TJP1: variants seen among roughly 807,000 people sequenced by gnomAD.
TJP1 encodes the protein tight junction protein 1.
In TJP1, 43 loss-of-function variants were observed where a neutral mutation model predicts 194.2. The observed-to-expected ratio is 0.22, with a 90% CI of 0.17 to 0.29. The LOEUF (loss-of-function observed/expected upper bound fraction) is 0.29, where lower values mean the gene tolerates loss of function less well. Among genes scored for constraint, TJP1 ranks in the 10% least tolerant of loss-of-function variants. The pLI is 1.00. For synonymous variants in TJP1, 801 were observed against 779.0 expected (o/e 1.03, Z -0.47); for missense variants, 1,971 against 2,185.7 (o/e 0.90, Z 1.96).
chr15:29,818,574 G>C (rs568214084), intron 1 of TJP1, among the ~76,000 whole-genome samples: 7 of 151,850 alleles, frequency 4.6e-5, no homozygotes, highest in Admixed American at 2.0e-4. Context: ...GTGCGATCTT[G>C]GCTCAATGCA....
At position 29,849,866 on chromosome 15, in the gene TJP1, C is replaced by T. The variant is rs150490599; in HGVS notation, c.307-49164G>A. Among the ~76,000 whole-genome samples, 407 of 152,164 alleles carry T rather than the reference C, an allele frequency of 2.7e-3. 3 individuals carry two copies. The highest frequency in any genetic ancestry group is 8.5e-3 in the South Asian group (41 of 4,818). On this transcript the variant is annotated intron_variant, in intron 2 of 28. Coordinates refer to the TJP1 transcript ENST00000356107. ...CTGGGATTGTAGACGCGAACCACCA[C>T]GCCTGGCCATTAGTGACTCACTTCT...
intron 2 of TJP1, among the ~76,000 whole-genome samples, chr15:29,910,758 T>C (rs945183869): frequency 2.0e-5 from 3 of 152,150 alleles, no homozygotes; most frequent in African/African-American, 7.2e-5. Context: ...AGTAATCACC[T>C]CCTCTCCTAA....
chr15:29,755,497 G>A (rs996883872), intron 8 of TJP1, among the ~76,000 whole-genome samples: 1 of 152,102 alleles, frequency 6.6e-6, no homozygotes, highest in African/African-American at 2.4e-5. Flanking sequence ...CAATTTTACT[G>A]TCATGTATTT....
intron 2 of TJP1, among the ~76,000 whole-genome samples, chr15:29,830,167 A>G (rs2050793079): frequency 6.6e-6 from 1 of 151,994 alleles, no homozygotes; most frequent in Non-Finnish European, 1.5e-5. Context: ...TGGCACTGTA[A>G]AAAAATCTTA....
At chr15:29,716,561 G>A (rs779236345) in intron 23 of TJP1, 50 bp downstream of exon 23, 13 of 1,338,422 alleles carry the variant, frequency 9.7e-6, no homozygotes, top group Admixed American at 3.6e-5. Flanking sequence ...TGAACTGCAC[G>A]GGATTAATAT....
intron 1 of TJP1, among the ~76,000 whole-genome samples, chr15:29,801,708 G>A (rs6495923): frequency 0.78 from 118,522 of 151,382 alleles, 47,184 homozygotes; most frequent in East Asian, 0.86. Flanking sequence ...TGATCCGCCC[G>A]CCTCGGCCTC....
intron 2 of TJP1, among the ~76,000 whole-genome samples, chr15:29,921,995 C>G (rs1385825360): frequency 6.6e-6 from 1 of 152,098 alleles, no homozygotes; most frequent in South Asian, 2.1e-4. Context: ...CAGGCATGCA[C>G]CACCCCGCCC....
At chr15:29,707,369 G>A (rs776047001) in intron 25 of TJP1, among the ~76,000 whole-genome samples, 8 of 152,166 alleles carry the variant, frequency 5.3e-5, no homozygotes, top group Non-Finnish European at 1.0e-4. Context: ...TGACCGGAGT[G>A]CCAGGGACGA....
chr15:29,903,337 T>C (rs1482495178), intron 2 of TJP1, among the ~76,000 whole-genome samples: 3 of 152,238 alleles, frequency 2.0e-5, no homozygotes. Context: ...GTAATATTTA[T>C]CTAGAAGGAT....
chr15:29,806,146 T>C (rs1347225188), intron 1 of TJP1, among the ~76,000 whole-genome samples: 1 of 152,142 alleles, frequency 6.6e-6, no homozygotes, highest in African/African-American at 2.4e-5. Context: ...GGAAACCAGT[T>C]AGAAAGTTAG....
chr15:29,821,634 G>A (rs546951332), intron 1 of TJP1: 1 of 152,404 alleles, frequency 6.6e-6, no homozygotes, highest in African/African-American at 2.4e-5. Context: ...GACCCGCTGA[G>A]AGCCGGCTTC....
At position 29,755,824 on chromosome 15, in the gene TJP1, T is replaced by C. The variant is rs550075302; in HGVS notation, c.1010+5315A>G. Among the ~76,000 whole-genome samples the C allele has an allele frequency of 2.0e-5, 3 of 152,240 alleles. No homozygotes were observed. In the South Asian group the frequency reaches 6.2e-4, roughly 32 times the overall value. On this transcript the variant is annotated intron_variant, in intron 8 of 27. Transcript: ENST00000614355. The stretch of plus-strand genomic sequence containing the variant: ...AAATGGGTAGAATGCCAAATGTAAA[T>C]CTTGACAATCCAAATTTCCCACATT...
intron 2 of TJP1, among the ~76,000 whole-genome samples, chr15:29,791,095 C>T (rs2048051361): frequency 2.7e-5 from 4 of 150,920 alleles, no homozygotes; most frequent in East Asian, 1.9e-4. Flanking sequence ...GGCGCGATTT[C>T]GGCTCACTGC....
intron 2 of TJP1, among the ~76,000 whole-genome samples, chr15:29,953,692 A>G (rs575254771): frequency 1.1e-4 from 16 of 152,192 alleles, no homozygotes; most frequent in Non-Finnish European, 1.9e-4. Context: ...ATGCAGAGTA[A>G]GATACAGGAA....
chr15:29,737,640 T>C (rs1438603779), intron 10 of TJP1, among the ~76,000 whole-genome samples: 4 of 152,206 alleles, frequency 2.6e-5, no homozygotes, highest in Admixed American at 6.5e-5. Flanking sequence ...AATATGCAAG[T>C]ACTATTTTAC....
chr15:29,713,017 G>A (rs1178886483), intron 23 of TJP1, among the ~76,000 whole-genome samples: 1 of 152,140 alleles, frequency 6.6e-6, no homozygotes, highest in African/African-American at 2.4e-5. Flanking sequence ...GGGCCCTGTG[G>A]TGGTGGAGTC....
chr15:29,773,874 A>G (rs1304343285), intron 2 of TJP1, among the ~76,000 whole-genome samples: 2 of 152,254 alleles, frequency 1.3e-5, no homozygotes, highest in Non-Finnish European at 2.9e-5. Context: ...ACTATACAAT[A>G]GAAGGTGTAC....
intron 2 of TJP1, among the ~76,000 whole-genome samples, chr15:29,912,673 G>C (rs2054052805): frequency 7.8e-6 from 1 of 127,566 alleles, no homozygotes; most frequent in Non-Finnish European, 1.5e-5. Flanking sequence ...TCCAGCCTGG[G>C]AGACAGAGCA....
intron 1 of TJP1, among the ~76,000 whole-genome samples, chr15:29,801,485 G>A (rs1158830262): frequency 4.7e-5 from 7 of 148,718 alleles, no homozygotes; most frequent in Non-Finnish European, 8.9e-5. Flanking sequence ...TTTTTGAGAC[G>A]GAGTCTCGCT....
Sources: gnomAD v4.1 joint callset for allele counts (sites outside exome capture counted in the v4.1 genomes callset) on GRCh38, gnomAD v4.1.1 for gene constraint, MANE v1.5 for transcripts, NCBI Gene and HGNC (gene_info 2026-07-23, HGNC 2026-07-21) for gene names.